Variants in BRDT observed in about 807,000 individuals in gnomAD.
The protein encoded by BRDT is bromodomain testis-specific protein.
A neutral mutation model predicts 113.9 loss-of-function variants in BRDT; 77 were observed. The ratio of observed to expected loss-of-function variants is 0.68; its 90% CI spans 0.56 to 0.82. BRDT has a LOEUF of 0.82. Ranked by LOEUF, BRDT falls within the 40% of genes least tolerant of loss-of-function variation. BRDT has a pLI of 0.00. For missense variants in BRDT, 1,027 were observed against 1,105.4 expected (o/e 0.93, Z 1.01); for synonymous variants, 358 against 366.5 (o/e 0.98, Z 0.26).
In BRDT at chr1:91,978,197, T is replaced by C. The variant is rs1684336181; in HGVS notation, c.999T>C (p.Asp333=). ...KEKMDNQEYK[D]AYKFAADVRL... ...AAATGGATAACCAAGAATATAAGGATGCATACAAATTTGCGGCAGATGTTA... is the reference window on the plus strand; with the variant it reads ...AAATGGATAACCAAGAATATAAGGACGCATACAAATTTGCGGCAGATGTTA... Residue 333 remains aspartate, a synonymous_variant, in exon 7 of 19, where the codon GAT becomes GAC. Coordinates refer to ENST00000399546, the MANE Select transcript of BRDT (RefSeq NM_207189.4). 1 of 1,613,556 alleles carries C rather than the reference T, an allele frequency of 6.2e-7. No homozygotes were observed. Among genetic ancestry groups the C allele is most frequent in the Admixed American group, 1.7e-5 (1 of 59,974 alleles).
intron 14 of BRDT, among the ~76,000 whole-genome samples, chr1:91,992,605 C>G (rs536084670): frequency 6.6e-6 from 1 of 152,214 alleles, no homozygotes; most frequent in African/African-American, 2.4e-5. Context: ...GCATGATCTT[C>G]CCTCACTTCA....
intron 13 of BRDT, 38 bp from the exon 14 acceptor site, chr1:91,992,226 A>AATATG (rs778936641): frequency 9.1e-7 from 1 of 1,094,606 alleles, no homozygotes; most frequent in Admixed American, 2.9e-5. Context: ...GTTAAGAGAT[A>AATATG]ATATGATTAA....
chr1:91,988,543 G>A (rs1685475131), intron 12 of BRDT, among the ~76,000 whole-genome samples: 1 of 152,020 alleles, frequency 6.6e-6, no homozygotes. Flanking sequence ...TGGGATTACA[G>A]GTTTGCACCA....
In BRDT at chr1:92,005,122, T is replaced by C; in HGVS notation, c.2598T>C (p.Asp866=). ...ELKASQENQR[D]LGNGLTVESF... ...AGCTATACTTTTTTTCTTTAAGGGA[T>C]CTTGGGAATGGATTGACTGTAGAAT... Residue 866 remains aspartate (D), a synonymous_variant, in exon 18 of 19, where the codon GAT becomes GAC. Transcript: ENST00000399546. 2.0e-6 allele frequency: 3 copies of C among 1,473,138 alleles called. No individual in the cohort carries two copies. The highest frequency in any genetic ancestry group is 2.7e-6 in the Non-Finnish European group (3 of 1,115,170). 91.3% of individuals were successfully genotyped at this position (1,473,138 alleles called of 1,614,324 possible). A position where few individuals can be genotyped will look rare whatever the true frequency, so the allele number is the denominator to read the frequency against.
intron 1 of BRDT, among the ~76,000 whole-genome samples, chr1:91,961,773 TC>T (rs919619664): frequency 9.2e-5 from 14 of 152,224 alleles, no homozygotes; most frequent in Non-Finnish European, 7.3e-5. Flanking sequence ...TGTTATTTCT[TC>T]CGACTAGGAA....
At chr1:91,955,660 CAG>C (rs141559689) in intron 1 of BRDT, among the ~76,000 whole-genome samples, 10,186 of 152,128 alleles carry the variant, frequency 0.067, 403 homozygotes, top group African/African-American at 0.097. Context: ...TTAAAAGAAA[CAG>C]AAGATTAAAG....
At chr1:91,964,242 G>A (rs533808686) in intron 2 of BRDT, among the ~76,000 whole-genome samples, 1 of 152,294 alleles carries the variant, frequency 6.6e-6, no homozygotes, top group South Asian at 2.1e-4. Context: ...TGTATTTTTA[G>A]TGGAGATGGG....
intron 2 of BRDT, among the ~76,000 whole-genome samples, chr1:91,963,627 T>C (rs1184466056): frequency 1.3e-5 from 2 of 152,304 alleles, no homozygotes; most frequent in African/African-American, 2.4e-5. Flanking sequence ...CATTCATTAA[T>C]GCAATGGTTG....
At position 91,978,201 on chromosome 1, in the gene BRDT, T is replaced by A. The variant is rs1311712491; in HGVS notation, c.1003T>A (p.Tyr335Asn). 30 of 1,613,706 alleles carry A rather than the reference T, an allele frequency of 1.9e-5. 1 individual carries two copies. In the Admixed American group the frequency reaches 4.5e-4, roughly 24 times the overall value. The change falls in exon 7 of 19, where the codon TAC becomes AAC. Residue 335 changes from tyrosine to asparagine, a missense_variant. Physicochemically the swap from Tyr to Asn is moderately radical, Grantham distance 143. Coordinates refer to ENST00000399546, the MANE Select transcript of BRDT (RefSeq NM_207189.4). ...KMDNQEYKDA[Y>N]KFAADVRLMF... is the part of the protein sequence containing the mutation. ...GGATAACCAAGAATATAAGGATGCATACAAATTTGCGGCAGATGTTAGATT... is the reference window on the plus strand; with the variant it reads ...GGATAACCAAGAATATAAGGATGCAAACAAATTTGCGGCAGATGTTAGATT...
intron 1 of BRDT, among the ~76,000 whole-genome samples, chr1:91,961,628 C>CAG (rs57800881): frequency 0.21 from 32,065 of 151,372 alleles, 3,744 homozygotes; most frequent in Middle Eastern, 0.31. Flanking sequence ...GACTCCATCT[C>CAG]AGAGAGAGAG....
At chr1:91,995,701 A>G (rs1372511000) in intron 15 of BRDT, among the ~76,000 whole-genome samples, 2 of 146,916 alleles carry the variant, frequency 1.4e-5, no homozygotes, top group Non-Finnish European at 3.0e-5. Flanking sequence ...CAGTGGTGCA[A>G]TCTTGGCTCA....
chr1:91,959,833 G>A (rs1407647165), intron 1 of BRDT, among the ~76,000 whole-genome samples: 3 of 152,094 alleles, frequency 2.0e-5, no homozygotes, highest in South Asian at 2.1e-4. Flanking sequence ...CATGAAAATC[G>A]TGAAAGTAGA....
chr1:92,013,390 T>C (rs1390631101), intron 18 of BRDT, among the ~76,000 whole-genome samples: 1 of 152,192 alleles, frequency 6.6e-6, no homozygotes, highest in Non-Finnish European at 1.5e-5. Flanking sequence ...ACATAGCTAA[T>C]GAGAATGCTA....
At chr1:91,981,416 A>G (rs1275433538) in intron 11 of BRDT, 35 bp downstream of exon 11, 1 of 1,551,918 alleles carries the variant, frequency 6.4e-7, no homozygotes, top group South Asian at 1.1e-5. Flanking sequence ...GTATGTATGT[A>G]TGTATGTATG....
chr1:91,983,204 A>G (rs1684873351), intron 12 of BRDT, among the ~76,000 whole-genome samples: 1 of 152,052 alleles, frequency 6.6e-6, no homozygotes, highest in South Asian at 2.1e-4. Flanking sequence ...AAATAGTGCA[A>G]TATATACTCT....
intron 4 of BRDT, among the ~76,000 whole-genome samples, chr1:91,973,850 T>G (rs1438642110): frequency 1.3e-5 from 2 of 152,192 alleles, no homozygotes; most frequent in Admixed American, 6.5e-5. Context: ...CATCCCTGTC[T>G]TGTGCAAGTT....
intron 3 of BRDT, among the ~76,000 whole-genome samples, chr1:91,966,694 T>C (rs1223591594): frequency 2.0e-5 from 3 of 152,244 alleles, no homozygotes; most frequent in Non-Finnish European, 4.4e-5. Flanking sequence ...AGAGAACTGT[T>C]GCTTTGTAAA....
Position 91,981,154 on chromosome 1 carries a change from A to C in BRDT, c.1726A>C (p.Arg576=). 1 of 1,610,946 alleles carries C rather than the reference A, an allele frequency of 6.2e-7. No homozygotes were observed. Among genetic ancestry groups the C allele is most frequent in the Non-Finnish European group, 8.5e-7 (1 of 1,179,182 alleles). ...AGAAAAATATGTTTCGGCATGTCTA[A>C]GAAAGAGACCATTAAAACCTCCTGG... ...ELEKYVSACL[R]KRPLKPPAKK... Residue 576 remains arginine, a synonymous_variant, in exon 10 of 19, where the codon AGA becomes CGA. Coordinates refer to ENST00000399546, the MANE Select transcript of BRDT (RefSeq NM_207189.4).
At chr1:91,981,901 C>A in intron 12 of BRDT, 146 bp downstream of exon 12, 1 of 1,175,650 alleles carries the variant, frequency 8.5e-7, no homozygotes, top group East Asian at 2.6e-5. Context: ...TGTTGACAAT[C>A]TTAGTATTTT....
Sources: allele counts gnomAD v4.1 joint callset (sites outside exome capture counted in the v4.1 genomes callset), GRCh38; gene constraint gnomAD v4.1.1; transcripts MANE v1.5; gene names NCBI Gene and HGNC (gene_info 2026-07-23, HGNC 2026-07-21).